Variants in FHIT observed in about 807,000 individuals in gnomAD.
FHIT encodes fragile histidine triad diadenosine triphosphatase.
Under a neutral mutation model 17.9 loss-of-function variants are expected in FHIT, and 19 were observed. The ratio of observed to expected loss-of-function variants is 1.06; its 90% confidence interval spans 0.74 to 1.56. The LOEUF (loss-of-function observed/expected upper bound fraction) is 1.56, where lower values mean the gene tolerates loss of function less well. FHIT is among the 40% of genes most tolerant of loss of function. FHIT has a pLI of 0.00. For synonymous variants in FHIT, 81 were observed against 69.7 expected, an observed-to-expected ratio of 1.16 and a Z score of -0.81; for missense variants, 248 against 189.2, an observed-to-expected ratio of 1.31 and a Z score of -1.82.
At chr3:61,208,215 G>A (rs1177710618) in intron 1 of FHIT, among the ~76,000 whole-genome samples, 14 of 151,978 alleles carry the variant, frequency 9.2e-5, no homozygotes, top group Admixed American at 5.2e-4. Context: ...TACATTTGCT[G>A]AGGAGTGCTT....
At chr3:60,373,527 A>T (rs1700423989) in intron 5 of FHIT, among the ~76,000 whole-genome samples, 1 of 152,138 alleles carries the variant, frequency 6.6e-6, no homozygotes, top group Non-Finnish European at 1.5e-5. Context: ...TTTCTGTTAA[A>T]AACAATGGGA....
chr3:60,606,244 ATTT>A (rs554313411), intron 4 of FHIT, among the ~76,000 whole-genome samples: 157 of 142,430 alleles, frequency 1.1e-3, no homozygotes, highest in Non-Finnish European at 1.7e-3. Context: ...TTGTAATAGC[ATTT>A]TTTTTTTTTT....
chr3:59,868,740 CA>C (rs1702773041), intron 8 of FHIT, among the ~76,000 whole-genome samples: 1 of 152,150 alleles, frequency 6.6e-6, no homozygotes, highest in South Asian at 2.1e-4. Context: ...TCCTGTTCAT[CA>C]GGGGGTGGTG....
Position 60,861,194 on chromosome 3 carries a change from T to G in FHIT, c.-110-39183A>C, listed in dbSNP as rs1320619829. ...TGTTCTATGATATATATGATATATA[T>G]CATATATGATATATATGATATATAT... On this transcript the variant is annotated intron_variant, in intron 3 of 9. Coordinates refer to ENST00000492590, the MANE Select transcript of FHIT (RefSeq NM_002012.4). Among the ~76,000 whole-genome samples the G allele has an allele frequency of 3.8e-4, 7 of 18,212 alleles. 1 individual carries two copies. Among genetic ancestry groups the G allele is most frequent in the Non-Finnish European group, 6.9e-4 (7 of 10,216 alleles). 11.9% of individuals were successfully genotyped at this position (18,212 alleles called of 152,430 possible).
At chr3:59,981,296 G>C (rs3772489) in intron 7 of FHIT, among the ~76,000 whole-genome samples, 1 of 151,986 alleles carries the variant, frequency 6.6e-6, no homozygotes, top group Non-Finnish European at 1.5e-5. Flanking sequence ...GAATGCCCCT[G>C]TATGAGGAAG....
intron 2 of FHIT, among the ~76,000 whole-genome samples, chr3:61,145,485 G>GT (rs1263380085): frequency 1.3e-5 from 2 of 151,840 alleles, no homozygotes; most frequent in Non-Finnish European, 2.9e-5. Flanking sequence ...TTTCAAGATT[G>GT]TTTTGGCTAT....
Position 60,252,884 on chromosome 3 carries a change from G to T in FHIT, c.104-238732C>A, listed in dbSNP as rs547514954. The stretch of plus-strand genomic sequence containing the variant: ...GTGGTGGCGGGTGCCTGTAGTTCCA[G>T]CTACTCGGGAGGCTGAGGCAGGAGA... On this transcript the variant is annotated intron_variant, in intron 5 of 9. Coordinates refer to ENST00000492590, the MANE Select transcript of FHIT (RefSeq NM_002012.4). Among the ~76,000 whole-genome samples, 833 of 152,054 alleles carry T rather than the reference G, an allele frequency of 5.5e-3. 2 individuals are homozygous for T. Among genetic ancestry groups the T allele is most frequent in the Non-Finnish European group, 8.9e-3 (606 of 67,970 alleles).
intron 4 of FHIT, among the ~76,000 whole-genome samples, chr3:60,718,488 G>A (rs2041737066): frequency 6.6e-6 from 1 of 152,108 alleles, no homozygotes; most frequent in East Asian, 1.9e-4. Flanking sequence ...AACCAATGAA[G>A]TAGAGACATG....
intron 5 of FHIT, among the ~76,000 whole-genome samples, chr3:60,029,469 A>G (rs1700890615): frequency 6.6e-6 from 1 of 152,192 alleles, no homozygotes; most frequent in South Asian, 2.1e-4. Flanking sequence ...AAAATCAAGG[A>G]CTGTGACTTT....
intron 5 of FHIT, among the ~76,000 whole-genome samples, chr3:60,295,061 G>A (rs988787967): frequency 9.2e-5 from 14 of 152,044 alleles, no homozygotes; most frequent in African/African-American, 3.4e-4. Context: ...CAAATGCTGG[G>A]TTGTCTCAGT....
At chr3:59,898,269 C>A (rs896264935) in intron 8 of FHIT, among the ~76,000 whole-genome samples, 3 of 152,090 alleles carry the variant, frequency 2.0e-5, no homozygotes, top group Admixed American at 6.5e-5. Flanking sequence ...AGACTTGGGT[C>A]CCATTCCCAA....
chr3:60,572,224 A>G (rs1401369798), intron 4 of FHIT, among the ~76,000 whole-genome samples: 1 of 152,060 alleles, frequency 6.6e-6, no homozygotes, highest in Non-Finnish European at 1.5e-5. Context: ...TTTGAAACTG[A>G]TATTCTTCTC....
intron 5 of FHIT, among the ~76,000 whole-genome samples, chr3:60,048,531 G>A (rs1306903669): frequency 6.6e-6 from 1 of 152,178 alleles, no homozygotes; most frequent in Non-Finnish European, 1.5e-5. Flanking sequence ...CTGAGGTACT[G>A]TGGGTTAGGG....
intron 2 of FHIT, among the ~76,000 whole-genome samples, chr3:61,075,656 T>C (rs1185342216): frequency 2.0e-5 from 3 of 152,134 alleles, no homozygotes; most frequent in Non-Finnish European, 4.4e-5. Context: ...AATAAGTGTG[T>C]ATTAATTTCC....
In FHIT at chr3:59,997,906, A is replaced by G. The variant is rs1202476906; in HGVS notation, c.279+13465T>C. ...TATCTTTTATTTTTTAAGCATTTCT[A>G]TTACGTATAATTTATTAAACCTTAA... is the stretch of plus-strand genomic sequence containing the variant. On this transcript the variant is annotated intron_variant, in intron 7 of 9. Transcript: ENST00000492590. 3.3e-5 allele frequency among the ~76,000 whole-genome samples: 5 copies of G among 152,232 alleles called. No homozygotes were observed. The South Asian group carries it at 8.3e-4, about 25-fold the overall frequency.
chr3:60,294,094 G>A (rs1383334905), intron 5 of FHIT, among the ~76,000 whole-genome samples: 1 of 152,086 alleles, frequency 6.6e-6, no homozygotes, highest in African/African-American at 2.4e-5. Context: ...ACAGCACTGT[G>A]TCTTCAGGGG....
At chr3:60,590,452 T>G (rs1050451857) in intron 4 of FHIT, among the ~76,000 whole-genome samples, 2 of 152,196 alleles carry the variant, frequency 1.3e-5, no homozygotes, top group East Asian at 1.9e-4. Flanking sequence ...ATGTTATTGA[T>G]GTATTGTTTA....
intron 4 of FHIT, among the ~76,000 whole-genome samples, chr3:60,742,911 C>T (rs1218682667): frequency 6.6e-6 from 1 of 152,192 alleles, no homozygotes; most frequent in Non-Finnish European, 1.5e-5. Flanking sequence ...TTTTTCAATG[C>T]TATGCAGAAG....
At chr3:60,976,492 C>G (rs577185898) in intron 3 of FHIT, among the ~76,000 whole-genome samples, 4 of 152,000 alleles carry the variant, frequency 2.6e-5, no homozygotes, top group Non-Finnish European at 4.4e-5. Context: ...AACAAACAAA[C>G]GAAAAACCAT....
Sources: allele counts gnomAD v4.1 joint callset (sites outside exome capture counted in the v4.1 genomes callset), GRCh38; gene constraint gnomAD v4.1.1; transcripts MANE v1.5; gene names NCBI Gene and HGNC (gene_info 2026-07-23, HGNC 2026-07-21).